ATP8B1: variants seen among roughly 807,000 people sequenced by gnomAD.
ATP8B1 encodes the protein ATPase phospholipid transporting 8B1, also known as phospholipid-transporting ATPase IC.
A neutral mutation model predicts 149.9 loss-of-function variants in ATP8B1; 80 were observed. That is an observed-to-expected ratio of 0.53 (90% CI 0.45 to 0.64). ATP8B1 has a LOEUF of 0.64. ATP8B1 is among the 30% of genes least tolerant of loss of function. The pLI is 0.00. For synonymous variants in ATP8B1, 536 were observed against 562.8 expected, an observed-to-expected ratio of 0.95 and a Z score of 0.67; for missense variants, 1,247 against 1,552.6, an observed-to-expected ratio of 0.80 and a Z score of 3.31.
chr18:57,748,918 G>C (rs2079990600), intron 1 of ATP8B1, among the ~76,000 whole-genome samples: 1 of 152,206 alleles, frequency 6.6e-6, no homozygotes, highest in Non-Finnish European at 1.5e-5. Flanking sequence ...TGCTGAACTA[G>C]GGATGACTCA....
At chr18:57,765,036 C>T (rs9945061) in intron 1 of ATP8B1, among the ~76,000 whole-genome samples, 57,185 of 152,038 alleles carry the variant, frequency 0.38, 10,907 homozygotes, top group Non-Finnish European at 0.41. Flanking sequence ...GAGGTAGAAA[C>T]AATCCAAATG....
intron 10 of ATP8B1, among the ~76,000 whole-genome samples, chr18:57,694,880 A>G (rs1214448379): frequency 6.6e-6 from 1 of 151,964 alleles, no homozygotes; most frequent in Non-Finnish European, 1.5e-5. Context: ...AAATACAAAA[A>G]TTATCTGGGC....
At chr18:57,768,386 C>CAAAAAAAAA (rs145660399) in intron 1 of ATP8B1, among the ~76,000 whole-genome samples, 17 of 68,150 alleles carry the variant, frequency 2.5e-4, no homozygotes, top group East Asian at 4.9e-4. Flanking sequence ...GACCCTGTCT[C>CAAAAAAAAA]AAAAAAAAAA....
At chr18:57,676,565 G>A (rs1911601141) in intron 15 of ATP8B1, among the ~76,000 whole-genome samples, 1 of 151,330 alleles carries the variant, frequency 6.6e-6, no homozygotes, top group South Asian at 2.1e-4. Flanking sequence ...TAAAAACACA[G>A]AAAATTAGCC....
chr18:57,768,585 C>CAAAA (rs1367407593), intron 1 of ATP8B1, among the ~76,000 whole-genome samples: 3 of 25,794 alleles, frequency 1.2e-4, no homozygotes, highest in Admixed American at 3.1e-4. Context: ...TGTTTACATG[C>CAAAA]CAAAAAAAAA....
At position 57,648,395 on chromosome 18, in the gene ATP8B1, G is replaced by A. The variant is rs1205204173; in HGVS notation, c.*93C>T. On this transcript the variant is annotated 3_prime_UTR_variant, in exon 28 of 28. Transcript: ENST00000648908. ...TTATTGTCTTCAATATCTTTGTGATGAATGCAATTCACACACACACACAAA... is the reference window on the plus strand; with the variant it reads ...TTATTGTCTTCAATATCTTTGTGATAAATGCAATTCACACACACACACAAA... 1.0e-5 allele frequency: 14 copies of A among 1,351,318 alleles called. No individual in the cohort carries two copies. Among genetic ancestry groups the A allele is most frequent in the African/African-American group, 1.4e-5 (1 of 69,696 alleles). The allele number at this position is 1,351,318 out of a possible 1,614,324, so 83.7% of individuals were successfully genotyped here. A position where few individuals can be genotyped will look rare whatever the true frequency, so the allele number is the denominator to read the frequency against.
rs974068253 is a variant in ATP8B1 at position 57,788,031 on chromosome 18, T to C, written c.-26+14967A>G. On this transcript the variant is annotated intron_variant, in intron 1 of 27. Coordinates refer to ENST00000648908, the MANE Select transcript of ATP8B1 (RefSeq NM_001374385.1). Reference sequence around the variant, plus strand: ...TGGGCAACAGAGCGAGATCCATCTATAAAACAAGACAAACTGAATACGGAA... The same window carrying C: ...TGGGCAACAGAGCGAGATCCATCTACAAAACAAGACAAACTGAATACGGAA... Among the ~76,000 whole-genome samples, 21 of 151,930 alleles carry C rather than the reference T, an allele frequency of 1.4e-4. 1 individual carries two copies. The highest frequency in any genetic ancestry group is 4.8e-4 in the African/African-American group (20 of 41,370).
At chr18:57,772,168 A>T (rs2080269332) in intron 1 of ATP8B1, among the ~76,000 whole-genome samples, 1 of 152,214 alleles carries the variant, frequency 6.6e-6, no homozygotes. Context: ...CCTAAAATGT[A>T]AAATTCCATT....
intron 1 of ATP8B1, among the ~76,000 whole-genome samples, chr18:57,766,206 G>A (rs1048470473): frequency 2.6e-5 from 4 of 151,352 alleles, no homozygotes; most frequent in Admixed American, 2.6e-4. Flanking sequence ...ACCACGCCTG[G>A]CTGATTTTTT....
chr18:57,698,704 AC>A (rs781319250), intron 6 of ATP8B1, among the ~76,000 whole-genome samples: 160 of 152,232 alleles, frequency 1.1e-3, no homozygotes, highest in Middle Eastern at 3.4e-3. Context: ...CTGAGGCTAC[AC>A]TCAAATTGGA....
intron 2 of ATP8B1, among the ~76,000 whole-genome samples, chr18:57,717,547 C>CAA (rs1163024544): frequency 3.5e-4 from 7 of 19,926 alleles, no homozygotes; most frequent in African/African-American, 1.0e-3. Context: ...GACTCTGTCT[C>CAA]AAAAAAAAAA....
Position 57,802,307 on chromosome 18 carries a change from A to T in ATP8B1, c.-26+691T>A, listed in dbSNP as rs1480720042. Reference sequence around the variant, plus strand: ...GGCACCAAACTGCTGAGGGAAGGAGATGCCTGCAGCCATCTCAGCGGGGCT... The same window carrying T: ...GGCACCAAACTGCTGAGGGAAGGAGTTGCCTGCAGCCATCTCAGCGGGGCT... On this transcript the variant is annotated intron_variant, in intron 1 of 27. Coordinates refer to ENST00000648908, the MANE Select transcript of ATP8B1 (RefSeq NM_001374385.1). This position sits in a 1 kb window ranked among gnomAD's most constrained non-coding sequence, Gnocchi z 4.9. Among the ~76,000 whole-genome samples, 1 of 152,134 alleles carries T rather than the reference A, an allele frequency of 6.6e-6. No individual in the cohort carries two copies. Among genetic ancestry groups the T allele is most frequent in the African/African-American group, 2.4e-5 (1 of 41,436 alleles).
chr18:57,776,979 G>T (rs2080310799), intron 1 of ATP8B1, among the ~76,000 whole-genome samples: 1 of 150,982 alleles, frequency 6.6e-6, no homozygotes, highest in Non-Finnish European at 1.5e-5. Flanking sequence ...TGTTTTCTCA[G>T]GCTTTTTTTT....
chr18:57,732,564 C>A (rs967580063), intron 1 of ATP8B1, among the ~76,000 whole-genome samples: 3 of 151,260 alleles, frequency 2.0e-5, no homozygotes, highest in Non-Finnish European at 4.4e-5. Context: ...AGTTGAATTT[C>A]TTTTTTTTCT....
At position 57,761,109 on chromosome 18, in the gene ATP8B1, A is replaced by T. The variant is rs933257959; in HGVS notation, c.-25-29277T>A. On this transcript the variant is annotated intron_variant, in intron 1 of 27. Coordinates refer to ENST00000648908, the MANE Select transcript of ATP8B1 (RefSeq NM_001374385.1). The stretch of plus-strand genomic sequence containing the variant: ...ATAAAATAAAATAAAAAATAAAATA[A>T]AATATAAAATAAAATAAAATAAAAT... Among the ~76,000 whole-genome samples, 24 of 100,462 alleles carry T rather than the reference A, an allele frequency of 2.4e-4. No individual in the cohort carries two copies. In the East Asian group the frequency reaches 2.6e-3, roughly 11 times the overall value. The allele number at this position is 100,462 out of a possible 152,430, so 65.9% of individuals were successfully genotyped here.
chr18:57,741,446 T>C lies in ATP8B1; in HGVS notation c.-25-9614A>G, dbSNP rs185455243. Among the ~76,000 whole-genome samples the C allele has an allele frequency of 2.9e-3, 441 of 152,292 alleles. 4 individuals are homozygous for C. Among genetic ancestry groups the C allele is most frequent in the African/African-American group, 9.3e-3 (388 of 41,568 alleles). On this transcript the variant is annotated intron_variant, in intron 1 of 27. Transcript: ENST00000648908. ...GCAGGGACTGGAGCCCTCAGTCCAATAGTCCTTAAGGAATGCAGTGAATTT... is the reference window on the plus strand; with the variant it reads ...GCAGGGACTGGAGCCCTCAGTCCAACAGTCCTTAAGGAATGCAGTGAATTT...
At chr18:57,720,787 A>G (rs1052870502) in intron 2 of ATP8B1, among the ~76,000 whole-genome samples, 2 of 150,066 alleles carry the variant, frequency 1.3e-5, no homozygotes, top group African/African-American at 2.5e-5. Context: ...TCCAAGACAC[A>G]TAATTGTCAG....
chr18:57,750,725 G>A (rs987585893), intron 1 of ATP8B1, among the ~76,000 whole-genome samples: 1 of 152,156 alleles, frequency 6.6e-6, no homozygotes, highest in Non-Finnish European at 1.5e-5. Context: ...TTGTGTCTTA[G>A]TTTTCCAAAG....
At chr18:57,744,760 A>G (rs2079950086) in intron 1 of ATP8B1, among the ~76,000 whole-genome samples, 1 of 152,224 alleles carries the variant, frequency 6.6e-6, no homozygotes, top group Non-Finnish European at 1.5e-5. Flanking sequence ...TGTCAAGCTG[A>G]ATTAATTTTA....
Sources: gnomAD v4.1 joint callset for allele counts (sites outside exome capture counted in the v4.1 genomes callset) on GRCh38, gnomAD v4.1.1 for gene constraint, Gnocchi (gnomAD v3.1) non-coding constraint, MANE v1.5 for transcripts, NCBI Gene and HGNC (gene_info 2026-07-23, HGNC 2026-07-21) for gene names.